Variants in SLC9A9 observed in about 807,000 individuals in gnomAD.
The protein encoded by SLC9A9 is sodium/hydrogen exchanger 9.
In SLC9A9, 62 loss-of-function variants were observed where a neutral mutation model predicts 77.8. That is an observed-to-expected ratio of 0.80 (90% CI 0.65 to 0.98). The LOEUF is 0.98. SLC9A9 is among the 50% of genes least tolerant of loss of function. SLC9A9 has a pLI of 0.00. For missense variants in SLC9A9, 775 were observed against 774.9 expected (o/e 1.00, Z 0.00); for synonymous variants, 320 against 283.5 (o/e 1.13, Z -1.29).
chr3:143,552,611 A>T (rs1240555976), intron 8 of SLC9A9, among the ~76,000 whole-genome samples, 161 bp from the exon 9 acceptor site: 3 of 152,212 alleles, frequency 2.0e-5, no homozygotes, highest in Non-Finnish European at 2.9e-5. Flanking sequence ...CACTTGCTTT[A>T]AACAGGGTTT....
intron 14 of SLC9A9, among the ~76,000 whole-genome samples, chr3:143,299,618 T>G (rs1454712247): frequency 6.6e-6 from 1 of 152,174 alleles, no homozygotes; most frequent in Non-Finnish European, 1.5e-5. Flanking sequence ...TAATTTTTTG[T>G]ATTTTTAGTA....
At chr3:143,421,016 GA>G (rs2034288371) in intron 12 of SLC9A9, among the ~76,000 whole-genome samples, 1 of 152,002 alleles carries the variant, frequency 6.6e-6, no homozygotes, top group East Asian at 1.9e-4. Context: ...GCCGAATCTA[GA>G]ATGCAATCCC....
At chr3:143,691,607 C>T (rs1933469296) in intron 5 of SLC9A9, among the ~76,000 whole-genome samples, 1 of 152,112 alleles carries the variant, frequency 6.6e-6, no homozygotes, top group Non-Finnish European at 1.5e-5. Context: ...CCTATCCTGG[C>T]TATTACGAGT....
chr3:143,281,140 G>A (rs980890735), intron 14 of SLC9A9, among the ~76,000 whole-genome samples: 1 of 152,198 alleles, frequency 6.6e-6, no homozygotes, highest in Non-Finnish European at 1.5e-5. Flanking sequence ...CCAGCAGGCT[G>A]ACCCTCTCCC....
chr3:143,395,502 AAAACCTAGGC>A (rs1327138723), intron 12 of SLC9A9, among the ~76,000 whole-genome samples: 1 of 152,250 alleles, frequency 6.6e-6, no homozygotes, highest in Non-Finnish European at 1.5e-5. Context: ...ACCCTAGAAG[AAAACCTAGGC>A]AATACCATTC....
chr3:143,319,051 A>G (rs189686916), intron 14 of SLC9A9, among the ~76,000 whole-genome samples: 2 of 152,350 alleles, frequency 1.3e-5, no homozygotes, highest in Admixed American at 6.5e-5. Flanking sequence ...CAAACCAACT[A>G]CTATGTAAAG....
chr3:143,669,499 G>A (rs2039125385), intron 5 of SLC9A9, among the ~76,000 whole-genome samples: 1 of 152,178 alleles, frequency 6.6e-6, no homozygotes, highest in African/African-American at 2.4e-5. Context: ...AACACCTGGA[G>A]CCTTGCTTGA....
At chr3:143,661,451 T>C (rs539166942) in intron 5 of SLC9A9, among the ~76,000 whole-genome samples, 1 of 152,108 alleles carries the variant, frequency 6.6e-6, no homozygotes, top group African/African-American at 2.4e-5. Context: ...TCGACCCCAC[T>C]GTGGCACCTG....
intron 14 of SLC9A9, among the ~76,000 whole-genome samples, chr3:143,308,130 T>G (rs2030873716): frequency 6.6e-6 from 1 of 152,206 alleles, no homozygotes; most frequent in African/African-American, 2.4e-5. Flanking sequence ...TGATTCTGTT[T>G]CTGTATCTCC....
At chr3:143,681,790 A>G (rs546276732) in intron 5 of SLC9A9, among the ~76,000 whole-genome samples, 1 of 152,212 alleles carries the variant, frequency 6.6e-6, no homozygotes, top group Admixed American at 6.5e-5. Context: ...TGTTTGTTGG[A>G]CTACCTTCTG....
chr3:143,734,996 C>T (rs1414204273), intron 4 of SLC9A9, among the ~76,000 whole-genome samples: 1 of 152,096 alleles, frequency 6.6e-6, no homozygotes, highest in Non-Finnish European at 1.5e-5. Flanking sequence ...TCAATCTGGC[C>T]ACAGCCCAGT....
chr3:143,448,160 A>T lies in SLC9A9; in HGVS notation c.1469+18877T>A, dbSNP rs143914173. ...CTGGAAACTAAGTGGTAAGGACAGC[A>T]GAAAATTCTGTGCAAATAGGGCATA... On this transcript the variant is annotated intron_variant, in intron 12 of 15. Transcript: ENST00000316549. Among the ~76,000 whole-genome samples, 433 of 152,282 alleles carry T rather than the reference A, an allele frequency of 2.8e-3. 9 individuals carry two copies. The highest frequency in any genetic ancestry group is 6.8e-4 in the Non-Finnish European group (46 of 68,028).
chr3:143,545,142 C>T (rs2036765156), intron 9 of SLC9A9, among the ~76,000 whole-genome samples: 1 of 152,084 alleles, frequency 6.6e-6, no homozygotes. Context: ...GGATTGCTTC[C>T]AAGCTCTTTC....
At chr3:143,637,517 T>C (rs1188677300) in intron 6 of SLC9A9, among the ~76,000 whole-genome samples, 2 of 152,208 alleles carry the variant, frequency 1.3e-5, no homozygotes, top group Non-Finnish European at 2.9e-5. Context: ...TATTTCAAAT[T>C]TCAGCTTATC....
intron 6 of SLC9A9, among the ~76,000 whole-genome samples, chr3:143,589,065 G>T (rs2037605406): frequency 1.3e-5 from 2 of 152,168 alleles, no homozygotes; most frequent in Non-Finnish European, 2.9e-5. Flanking sequence ...GTGCAAGCAA[G>T]ACCAAATATT....
intron 11 of SLC9A9, among the ~76,000 whole-genome samples, chr3:143,484,896 A>G (rs2035632512): frequency 6.6e-6 from 1 of 152,206 alleles, no homozygotes; most frequent in Non-Finnish European, 1.5e-5. Context: ...TGCTGGGAAC[A>G]TGGTAGAGTA....
intron 2 of SLC9A9, among the ~76,000 whole-genome samples, chr3:143,799,049 A>T (rs963485707): frequency 3.9e-5 from 6 of 152,116 alleles, no homozygotes; most frequent in Admixed American, 1.3e-4. Context: ...TTCCACGACT[A>T]GTCCTCCCCC....
chr3:143,552,108 C>G (rs1444261970), intron 9 of SLC9A9, among the ~76,000 whole-genome samples: 2 of 152,168 alleles, frequency 1.3e-5, no homozygotes, highest in East Asian at 1.9e-4. Flanking sequence ...TGCCTTTCAT[C>G]TTTAAGACTG....
chr3:143,809,642 C>G (rs2008811974), intron 2 of SLC9A9, among the ~76,000 whole-genome samples: 1 of 152,138 alleles, frequency 6.6e-6, no homozygotes, highest in Non-Finnish European at 1.5e-5. Flanking sequence ...GAGAAAAAAT[C>G]CAAGCGAGGG....
Sources: allele counts gnomAD v4.1 joint callset (sites outside exome capture counted in the v4.1 genomes callset), GRCh38; gene constraint gnomAD v4.1.1; transcripts MANE v1.5; gene names NCBI Gene and HGNC (gene_info 2026-07-23, HGNC 2026-07-21).